WDR44: variants seen among roughly 807,000 people sequenced by gnomAD.
WDR44 encodes WD repeat-containing protein 44.
A neutral mutation model predicts 65.7 loss-of-function variants in WDR44; 9 were observed. That is an observed-to-expected ratio of 0.14 (90% CI 0.08 to 0.24). The LOEUF (loss-of-function observed/expected upper bound fraction) is 0.24. Among genes scored for constraint, WDR44 ranks in the 10% least tolerant of loss-of-function variants. WDR44 has a pLI of 1.00. For synonymous variants in WDR44, 220 were observed against 235.2 expected, an observed-to-expected ratio of 0.94 and a Z score of 0.59; for missense variants, 425 against 670.9, an observed-to-expected ratio of 0.63 and a Z score of 4.05.
chrX:118,442,567 A>G lies in WDR44; in HGVS notation c.2271A>G (p.Ile757Met), dbSNP rs1388591868. 1 of 1,201,873 alleles carries G rather than the reference A, an allele frequency of 8.3e-7. No homozygotes were observed. The highest frequency in any genetic ancestry group is 1.1e-6 in the Non-Finnish European group (1 of 888,771). ...GIEPLPGENK[I>M]LVTSNDSRIR... ...CTTTTCATTTGATCTACTTTTAGAT[A>G]TTGGTAACCTCAAATGACTCCAGAA... Residue 757 changes from isoleucine (I) to methionine (M), a missense_variant and splice_region_variant, in exon 17 of 20, where the codon ATA (isoleucine) becomes ATG (methionine). Physicochemically the swap from Ile to Met is conservative, Grantham distance 10. Transcript: ENST00000254029.
intron 2 of WDR44, among the ~76,000 whole-genome samples, chrX:118,381,276 C>G (rs911142431): frequency 8.1e-5 from 9 of 111,034 alleles, no homozygotes; most frequent in African/African-American, 2.9e-4. Context: ...AGAGACCAGC[C>G]TGGCCAACAT....
At chrX:118,393,855 T>C (rs868684090) in intron 4 of WDR44, among the ~76,000 whole-genome samples, 200 bp from the exon 5 acceptor site, 1 of 111,511 alleles carries the variant, frequency 9.0e-6, no homozygotes, top group Non-Finnish European at 1.9e-5. Flanking sequence ...AACTTGGGAT[T>C]TGGAGACCTA....
At chrX:118,436,528 G>A (rs1252279922) in intron 13 of WDR44, 174 bp from the exon 14 acceptor site, 9 of 600,490 alleles carry the variant, frequency 1.5e-5, no homozygotes, top group Non-Finnish European at 2.5e-5. Flanking sequence ...GTACTTAACT[G>A]TTTGGGGGAA....
chrX:118,409,373 A>G, intron 10 of WDR44, 116 bp from the exon 11 acceptor site: 1 of 774,186 alleles, frequency 1.3e-6, no homozygotes, highest in Non-Finnish European at 1.8e-6. Context: ...TAGGTGATCC[A>G]CCTGCCTCAG....
intron 2 of WDR44, among the ~76,000 whole-genome samples, chrX:118,379,207 C>T (rs1229872389): frequency 1.8e-5 from 2 of 110,414 alleles, no homozygotes; most frequent in Non-Finnish European, 3.8e-5. Flanking sequence ...CCACTGAGAG[C>T]CATTTTAAGT....
At chrX:118,402,435 C>CAAAAA (rs758497932) in intron 8 of WDR44, among the ~76,000 whole-genome samples, 1 of 14,427 alleles carries the variant, frequency 6.9e-5, no homozygotes, top group Non-Finnish European at 1.0e-4. Context: ...AACTCTGTCT[C>CAAAAA]AAAAAAAAAA....
chrX:118,443,978 G>A lies in WDR44; in HGVS notation c.2512+291G>A, dbSNP rs771818102. ...GGAGAATCGCTGGAACCTGGGAGGT[G>A]GAAATTGCAGTGAGCCGAGATGGCA... On this transcript the variant is annotated intron_variant, in intron 18 of 19. Transcript: ENST00000254029. Among the ~76,000 whole-genome samples the A allele has an allele frequency of 1.9e-4, 21 of 110,644 alleles. No individual in the cohort carries two copies. The South Asian group carries it at 7.8e-3, about 41-fold the overall frequency.
chrX:118,420,320 C>T (rs1171350203), intron 12 of WDR44, among the ~76,000 whole-genome samples: 1 of 110,742 alleles, frequency 9.0e-6, no homozygotes, highest in Non-Finnish European at 1.9e-5. Flanking sequence ...GGCATGATCT[C>T]GGCTCATTTG....
intron 2 of WDR44, among the ~76,000 whole-genome samples, chrX:118,379,249 CAGAT>C (rs2056692908): frequency 9.0e-6 from 1 of 110,687 alleles, no homozygotes; most frequent in Non-Finnish European, 1.9e-5. Flanking sequence ...CTATTTATAT[CAGAT>C]AGAGTATATA....
chrX:118,414,291 TG>T (rs1375087824), intron 12 of WDR44, among the ~76,000 whole-genome samples: 2 of 89,036 alleles, frequency 2.2e-5, no homozygotes, highest in Non-Finnish European at 4.3e-5. Context: ...TCCATGGTTT[TG>T]TGTTTTTTTT....
chrX:118,421,634 G>A (rs1262870170), intron 12 of WDR44, among the ~76,000 whole-genome samples: 1 of 111,325 alleles, frequency 9.0e-6, no homozygotes, highest in Non-Finnish European at 1.9e-5. Flanking sequence ...TTTTGTCTTA[G>A]CATCTGTGTG....
At chrX:118,385,665 A>T (rs1029500378) in intron 2 of WDR44, among the ~76,000 whole-genome samples, 1 of 111,937 alleles carries the variant, frequency 8.9e-6, no homozygotes, top group African/African-American at 3.2e-5. Flanking sequence ...GTTAAAAAAA[A>T]AAAGAAAAAT....
chrX:118,402,975 A>G (rs1422383721), intron 8 of WDR44, among the ~76,000 whole-genome samples: 1 of 111,682 alleles, frequency 9.0e-6, no homozygotes, highest in Non-Finnish European at 1.9e-5. Flanking sequence ...GAAATCACAG[A>G]TAGTACCAGA....
At chrX:118,438,797 G>GTTTTT (rs1213083479) in intron 14 of WDR44, among the ~76,000 whole-genome samples, 3 of 64,042 alleles carry the variant, frequency 4.7e-5, no homozygotes, top group Non-Finnish European at 8.7e-5. Flanking sequence ...GTTCAGCCAT[G>GTTTTT]TTTTTTTTTT....
At chrX:118,426,212 T>G (rs1207598899) in intron 12 of WDR44, among the ~76,000 whole-genome samples, 3 of 111,950 alleles carry the variant, frequency 2.7e-5, no homozygotes, top group Non-Finnish European at 5.6e-5. Context: ...TATAGAAGTA[T>G]CTACTGATAA....
At chrX:118,443,510 C>T in intron 17 of WDR44, 50 bp from the exon 18 acceptor site, 1 of 1,183,106 alleles carries the variant, frequency 8.5e-7, no homozygotes, top group East Asian at 3.1e-5. Context: ...AACCTTTAAA[C>T]ATATACACAC....
Position 118,409,607 on chromosome X carries a change from G to A in WDR44, c.1652G>A (p.Arg551Gln), listed in dbSNP as rs750271651. Residue 551 changes from arginine to glutamine, a missense_variant, in exon 11 of 20, where the codon CGA becomes CAA. Arg to Gln is a conservative substitution (Grantham distance 43). This residue lies in a region of WDR44 where 45 missense variants were observed against 50.0 expected (regional missense o/e 0.90). Transcript: ENST00000254029. The part of the protein sequence containing the change: ...KNAFDYFNNM[R>Q]MKYNTEGRVS... ...GCTTTTGACTATTTCAACAATATGC[G>A]AATGAAATACAATACTGAAGGTATT... 7 of 1,197,662 alleles carry A rather than the reference G, an allele frequency of 5.8e-6. No homozygotes were observed. Among genetic ancestry groups the A allele is most frequent in the Admixed American group, 4.6e-5 (2 of 43,399 alleles).
chrX:118,449,200 C>T lies in WDR44; in HGVS notation c.*213C>T. On this transcript the variant is annotated 3_prime_UTR_variant, in exon 20 of 20. Coordinates refer to ENST00000254029, the MANE Select transcript of WDR44 (RefSeq NM_019045.5). ...TAGAATAACATTGCCAAACATTAGG[C>T]TTTATGTTTTGTTATGTTTGTGTTT... The T allele has an allele frequency of 4.0e-6, 1 of 252,067 alleles. No homozygotes were observed. Among genetic ancestry groups the T allele is most frequent in the African/African-American group, 2.8e-5 (1 of 36,217 alleles). The allele number at this position is 252,067 out of a possible 1,213,427, so 20.8% of individuals were successfully genotyped here. A position where few individuals can be genotyped will look rare whatever the true frequency, so the allele number is the denominator to read the frequency against.
chrX:118,446,209 G>C (rs1197934658), intron 19 of WDR44, among the ~76,000 whole-genome samples: 1 of 110,246 alleles, frequency 9.1e-6, no homozygotes, highest in Non-Finnish European at 1.9e-5. Flanking sequence ...GCTTGAACTC[G>C]GGAAGGTGGA....
Sources: gnomAD v4.1 joint callset for allele counts (sites outside exome capture counted in the v4.1 genomes callset) on GRCh38, gnomAD v4.1.1 for gene constraint, gnomAD v4.1.1 regional missense constraint, MANE v1.5 for transcripts, NCBI Gene and HGNC (gene_info 2026-07-23, HGNC 2026-07-21) for gene names.